ARHGAP15: variants seen among roughly 807,000 people sequenced by gnomAD.
ARHGAP15 encodes rho GTPase-activating protein 15.
ARHGAP15 carries 51 observed loss-of-function variants against 63.7 expected under a neutral mutation model. That is an observed-to-expected ratio of 0.80 (90% CI 0.64 to 1.01). The LOEUF (loss-of-function observed/expected upper bound fraction) is 1.01, where lower values mean the gene tolerates loss of function less well. Ranked by LOEUF, ARHGAP15 falls within the 50% of genes least tolerant of loss-of-function variation. ARHGAP15 has a pLI of 0.00. For synonymous variants in ARHGAP15, 191 were observed against 193.8 expected, an observed-to-expected ratio of 0.99 and a Z score of 0.12; for missense variants, 560 against 564.6, an observed-to-expected ratio of 0.99 and a Z score of 0.08.
intron 12 of ARHGAP15, among the ~76,000 whole-genome samples, chr2:143,659,210 C>G (rs1681614229): frequency 6.6e-6 from 1 of 152,000 alleles, no homozygotes; most frequent in African/African-American, 2.4e-5. Context: ...AGCTATCCGC[C>G]ACCAAAGCAC....
intron 6 of ARHGAP15, chr2:143,344,063 G>C (rs1367366182): frequency 6.6e-6 from 1 of 152,044 alleles, no homozygotes; most frequent in Admixed American, 6.6e-5. Context: ...AGATTGCCAG[G>C]CAGGCTTTGA....
chr2:143,235,247 T>G (rs1485507851), intron 5 of ARHGAP15, among the ~76,000 whole-genome samples: 1 of 151,880 alleles, frequency 6.6e-6, no homozygotes, highest in South Asian at 2.1e-4. Context: ...GAGTTGTTTT[T>G]TTTTTTTTTT....
chr2:143,519,571 T>G, intron 10 of ARHGAP15: 1 of 384,940 alleles, frequency 2.6e-6, no homozygotes, highest in South Asian at 3.3e-5. Flanking sequence ...TGTTCTTTTT[T>G]GTTTTTAATA....
At chr2:143,253,792 C>T (rs994023477) in intron 6 of ARHGAP15, among the ~76,000 whole-genome samples, 5 of 151,418 alleles carry the variant, frequency 3.3e-5, no homozygotes, top group African/African-American at 9.7e-5. Context: ...TATATATACT[C>T]TACCTGTGTG....
At chr2:143,545,530 G>T (rs374890107) in intron 10 of ARHGAP15, among the ~76,000 whole-genome samples, 3 of 151,868 alleles carry the variant, frequency 2.0e-5, no homozygotes, top group East Asian at 3.9e-4. Flanking sequence ...TGCTACTCTT[G>T]TTAAATAAAA....
Position 143,323,817 on chromosome 2 carries a change from C to T in ARHGAP15, c.474+73217C>T, listed in dbSNP as rs547960549. On this transcript the variant is annotated intron_variant, in intron 6 of 13. Coordinates refer to ENST00000295095, the MANE Select transcript of ARHGAP15 (RefSeq NM_018460.4). ...CTGAGGCCAGAGAATGGTGTGAACC[C>T]GGGAAGCGGAGCTTGCAGAGTGAGC... 1.6e-4 allele frequency among the ~76,000 whole-genome samples: 22 copies of T among 133,364 alleles called. 1 individual carries two copies. In the South Asian group the frequency reaches 3.8e-3, roughly 23 times the overall value. 87.5% of individuals were successfully genotyped at this position (133,364 alleles called of 152,430 possible).
chr2:143,626,810 G>A (rs368970458), intron 12 of ARHGAP15, among the ~76,000 whole-genome samples: 100 of 152,178 alleles, frequency 6.6e-4, no homozygotes, highest in South Asian at 3.3e-3. Flanking sequence ...CCAAGTCCCC[G>A]CTCGACCCAG....
At chr2:143,309,508 T>C (rs916566542) in intron 6 of ARHGAP15, among the ~76,000 whole-genome samples, 1 of 152,108 alleles carries the variant, frequency 6.6e-6, no homozygotes, top group African/African-American at 2.4e-5. Context: ...CAGGGCCTAG[T>C]ACATCGGATA....
chr2:143,238,769 G>A (rs4603705), intron 5 of ARHGAP15, among the ~76,000 whole-genome samples: 26,232 of 152,028 alleles, frequency 0.17, 2,487 homozygotes, highest in Middle Eastern at 0.24. Flanking sequence ...CACTGTTTAC[G>A]ATAGCAAAGA....
chr2:143,631,609 T>C (rs1699075090), intron 12 of ARHGAP15, among the ~76,000 whole-genome samples: 1 of 152,094 alleles, frequency 6.6e-6, no homozygotes, highest in African/African-American at 2.4e-5. Flanking sequence ...GGCCATTCCA[T>C]TATTTTCTGC....
At chr2:143,518,178 G>A (rs979036770) in intron 9 of ARHGAP15, among the ~76,000 whole-genome samples, 1 of 152,148 alleles carries the variant, frequency 6.6e-6, no homozygotes, top group Non-Finnish European at 1.5e-5. Context: ...TCAATTCTAT[G>A]TTATATGTGT....
chr2:143,134,877 T>C (rs1318925372), intron 1 of ARHGAP15, among the ~76,000 whole-genome samples: 1 of 152,032 alleles, frequency 6.6e-6, no homozygotes, highest in Non-Finnish European at 1.5e-5. Context: ...GACCTCGTGA[T>C]CTGCCCACCT....
chr2:143,245,861 C>G (rs939004645), intron 5 of ARHGAP15, among the ~76,000 whole-genome samples: 1 of 152,126 alleles, frequency 6.6e-6, no homozygotes. Flanking sequence ...ATGGTACTGA[C>G]AGGTCAGGTA....
At chr2:143,471,720 G>A (rs1368741431) in intron 8 of ARHGAP15, among the ~76,000 whole-genome samples, 1 of 152,136 alleles carries the variant, frequency 6.6e-6, no homozygotes, top group Admixed American at 6.6e-5. Context: ...GAGGCAGGAT[G>A]TGCTCAAGAA....
intron 2 of ARHGAP15, among the ~76,000 whole-genome samples, chr2:143,169,201 A>G (rs528932242): frequency 6.6e-6 from 1 of 151,112 alleles, no homozygotes; most frequent in Admixed American, 6.6e-5. Context: ...ACATGTCTCA[A>G]AAAATCAGAA....
chr2:143,394,812 A>C (rs1687688989), intron 6 of ARHGAP15, among the ~76,000 whole-genome samples: 1 of 152,132 alleles, frequency 6.6e-6, no homozygotes, highest in Non-Finnish European at 1.5e-5. Context: ...TACATGATAA[A>C]ATGAGTTTTC....
At chr2:143,626,922 TG>T (rs1374711690) in intron 12 of ARHGAP15, among the ~76,000 whole-genome samples, 1 of 152,066 alleles carries the variant, frequency 6.6e-6, no homozygotes, top group Non-Finnish European at 1.5e-5. Flanking sequence ...TATTAAGAGA[TG>T]GGGGGGCTTT....
At chr2:143,341,130 G>T (rs1685040747) in intron 6 of ARHGAP15, among the ~76,000 whole-genome samples, 1 of 151,964 alleles carries the variant, frequency 6.6e-6, no homozygotes, top group South Asian at 2.1e-4. Context: ...TCCTGCTTTT[G>T]TGGTCCTGTC....
At chr2:143,277,479 AC>A (rs1681617649) in intron 6 of ARHGAP15, among the ~76,000 whole-genome samples, 1 of 151,738 alleles carries the variant, frequency 6.6e-6, no homozygotes, top group African/African-American at 2.4e-5. Context: ...TAGAACTTTT[AC>A]TTTTACATCT....
Sources: gnomAD v4.1 joint callset for allele counts (sites outside exome capture counted in the v4.1 genomes callset) on GRCh38, gnomAD v4.1.1 for gene constraint, MANE v1.5 for transcripts, NCBI Gene and HGNC (gene_info 2026-07-23, HGNC 2026-07-21) for gene names.